The following EYS variants were observed in gnomAD, a reference collection of about 807,000 sequenced individuals.
EYS encodes the protein EGF-like photoreceptor maintenance factor.
EYS carries 250 observed loss-of-function variants against 282.1 expected under a neutral mutation model. That is an observed-to-expected ratio of 0.89 (90% CI 0.80 to 0.98). EYS has a LOEUF of 0.98. Among genes scored for constraint, EYS ranks in the 50% least tolerant of loss-of-function variants. The pLI is 0.00. For missense variants in EYS, 4,016 were observed against 3,709.0 expected (o/e 1.08, Z -2.15); for synonymous variants, 1,355 against 1,282.9 (o/e 1.06, Z -1.20).
intron 26 of EYS, among the ~76,000 whole-genome samples, chr6:64,584,592 A>G (rs2149826830): frequency 6.6e-6 from 1 of 152,144 alleles, no homozygotes; most frequent in East Asian, 1.9e-4. Flanking sequence ...AGACTAACAA[A>G]TAGGTAGTTA....
chr6:64,602,201 G>T (rs1766783267), intron 24 of EYS, among the ~76,000 whole-genome samples: 1 of 151,774 alleles, frequency 6.6e-6, no homozygotes, highest in Non-Finnish European at 1.5e-5. Context: ...ATCCTGCATT[G>T]TATTCAGCAC....
At chr6:63,906,274 T>C (rs1773777524) in intron 35 of EYS, among the ~76,000 whole-genome samples, 1 of 152,226 alleles carries the variant, frequency 6.6e-6, no homozygotes, top group Non-Finnish European at 1.5e-5. Flanking sequence ...TTTAGTCTAC[T>C]GTACTGCAAA....
At chr6:65,057,981 G>C (rs1479379590) in intron 12 of EYS, among the ~76,000 whole-genome samples, 1 of 152,100 alleles carries the variant, frequency 6.6e-6, no homozygotes, top group African/African-American at 2.4e-5. Flanking sequence ...AGTCTCTTTA[G>C]ATGTGAACTA....
chr6:65,311,523 T>G (rs6937429), intron 11 of EYS, among the ~76,000 whole-genome samples: 82,586 of 151,662 alleles, frequency 0.54, 24,220 homozygotes, highest in East Asian at 0.9. Flanking sequence ...AAGCAGAGTT[T>G]CCATCCTTTT....
chr6:65,160,110 G>GT (rs202231047), intron 12 of EYS, among the ~76,000 whole-genome samples: 2,052 of 150,330 alleles, frequency 0.014, 42 homozygotes, highest in African/African-American at 0.043. Flanking sequence ...TCAGTACAGC[G>GT]TTTTTTTTGT....
chr6:65,426,842 G>A (rs1767683373), intron 5 of EYS, among the ~76,000 whole-genome samples: 1 of 152,032 alleles, frequency 6.6e-6, no homozygotes. Context: ...TAATTTACAT[G>A]ACTAAATATG....
intron 23 of EYS, among the ~76,000 whole-genome samples, chr6:64,618,649 T>C (rs985325198): frequency 1.3e-5 from 2 of 152,186 alleles, no homozygotes; most frequent in African/African-American, 4.8e-5. Flanking sequence ...CACTTCATTA[T>C]AAGAAACAAA....
rs189423631 is a variant in EYS, at chr6:64,574,060, A to G, written c.5644+16163T>C. On this transcript the variant is annotated intron_variant, in intron 26 of 42. Coordinates refer to ENST00000503581, the MANE Select transcript of EYS (RefSeq NM_001142800.2). Reference sequence around the variant, plus strand: ...ATCAATGATAGACTGGACAAAGAAAATGTGGCACATATATACCACGGAATA... The same window carrying G: ...ATCAATGATAGACTGGACAAAGAAAGTGTGGCACATATATACCACGGAATA... Among the ~76,000 whole-genome samples, 3 of 152,364 alleles carry G rather than the reference A, an allele frequency of 2.0e-5. No homozygotes were observed. In the East Asian group the frequency reaches 5.8e-4, roughly 29 times the overall value.
At chr6:64,704,116 A>C (rs1356328224) in intron 22 of EYS, among the ~76,000 whole-genome samples, 1 of 151,950 alleles carries the variant, frequency 6.6e-6, no homozygotes, top group Non-Finnish European at 1.5e-5. Flanking sequence ...TCGCAATAAC[A>C]AAATTCTGGA....
At chr6:65,160,081 C>A (rs1242393261) in intron 12 of EYS, among the ~76,000 whole-genome samples, 1 of 150,776 alleles carries the variant, frequency 6.6e-6, no homozygotes, top group African/African-American at 2.4e-5. Flanking sequence ...ATATTTGTTG[C>A]TCTATATGTT....
intron 29 of EYS, among the ~76,000 whole-genome samples, chr6:64,358,571 C>T (rs1582648123): frequency 6.6e-6 from 1 of 151,668 alleles, no homozygotes; most frequent in East Asian, 2.0e-4. Context: ...CTATGTTAGC[C>T]ATGAATGAGG....
intron 11 of EYS, among the ~76,000 whole-genome samples, chr6:65,327,409 T>G (rs1769654548): frequency 1.3e-5 from 2 of 151,588 alleles, no homozygotes; most frequent in Non-Finnish European, 3.0e-5. Context: ...GTGAATTGTG[T>G]TTTATTTATT....
chr6:64,295,733 A>C (rs1768952885), intron 30 of EYS, among the ~76,000 whole-genome samples: 1 of 149,976 alleles, frequency 6.7e-6, no homozygotes, highest in Admixed American at 6.6e-5. Context: ...CGTCTCCAAA[A>C]AAAAAAAAAG....
chr6:64,796,640 C>A (rs977900201), intron 22 of EYS, among the ~76,000 whole-genome samples: 1 of 152,094 alleles, frequency 6.6e-6, no homozygotes, highest in Admixed American at 6.6e-5. Flanking sequence ...TACACACAGA[C>A]GCTATATTCT....
rs1336323904 is a variant in EYS, at chr6:64,366,433, T to C, written c.6078+22257A>G. Among the ~76,000 whole-genome samples the C allele has an allele frequency of 3.3e-5, 5 of 152,028 alleles. No individual in the cohort carries two copies. In the East Asian group the frequency reaches 9.7e-4, roughly 29 times the overall value. ...AGAGATCCTCACTAGACCAACCAAA[T>C]GGCTGAACTGTAAGCAAATAAATTT... On this transcript the variant is annotated intron_variant, in intron 29 of 42. Coordinates refer to ENST00000503581, the MANE Select transcript of EYS (RefSeq NM_001142800.2).
Position 64,571,882 on chromosome 6 carries a change from T to C in EYS, c.5644+18341A>G, listed in dbSNP as rs185780563. Among the ~76,000 whole-genome samples the C allele has an allele frequency of 1.2e-4, 18 of 152,246 alleles. No individual in the cohort carries two copies. The East Asian group carries it at 3.5e-3, about 29-fold the overall frequency. ...GCTGGTGCCATTCCTTCTGAAACTA[T>C]TGCAAACAATAGAAAAAGAGGGACT... On this transcript the variant is annotated intron_variant, in intron 26 of 42. Transcript: ENST00000503581.
intron 22 of EYS, among the ~76,000 whole-genome samples, chr6:64,764,163 G>T (rs1418593111): frequency 1.3e-5 from 2 of 152,198 alleles, no homozygotes; most frequent in Admixed American, 1.3e-4. Flanking sequence ...GACACTATGT[G>T]GGGGCTCCAA....
intron 12 of EYS, among the ~76,000 whole-genome samples, chr6:65,171,316 T>A (rs1765100730): frequency 6.6e-6 from 1 of 151,574 alleles, no homozygotes; most frequent in African/African-American, 2.4e-5. Context: ...TCATCTACTA[T>A]GAACAGGTAA....
intron 16 of EYS, among the ~76,000 whole-genome samples, chr6:64,905,624 T>C (rs141028893): frequency 2.0e-5 from 3 of 152,310 alleles, no homozygotes; most frequent in African/African-American, 7.2e-5. Flanking sequence ...ACTGCTCAAA[T>C]GTAAGATCTG....
Sources: allele counts gnomAD v4.1 joint callset (sites outside exome capture counted in the v4.1 genomes callset), GRCh38; gene constraint gnomAD v4.1.1; transcripts MANE v1.5; gene names NCBI Gene and HGNC (gene_info 2026-07-23, HGNC 2026-07-21).